The following JMY variants were observed in gnomAD, a reference collection of about 807,000 sequenced individuals.
JMY encodes junction mediating and regulatory protein, p53 cofactor, also known as junction-mediating and -regulatory protein.
JMY carries 46 observed loss-of-function variants against 103.3 expected under a neutral mutation model. The ratio of observed to expected loss-of-function variants is 0.45; its 90% CI spans 0.35 to 0.57. The LOEUF (loss-of-function observed/expected upper bound fraction) is 0.57, where lower values mean the gene tolerates loss of function less well. Among genes scored for constraint, JMY ranks in the 20% least tolerant of loss-of-function variants. JMY has a pLI of 0.00. For synonymous variants in JMY, 526 were observed against 489.3 expected (o/e 1.07, Z -0.99); for missense variants, 1,238 against 1,255.2 (o/e 0.99, Z 0.21).
At chr5:79,269,344 G>A (rs1283982047) in intron 1 of JMY, among the ~76,000 whole-genome samples, 1 of 152,134 alleles carries the variant, frequency 6.6e-6, no homozygotes, top group South Asian at 2.1e-4. Flanking sequence ...CTTGACTACT[G>A]TAGCTTTAGA....
At chr5:79,246,097 A>G (rs1463715826) in intron 1 of JMY, among the ~76,000 whole-genome samples, 1 of 152,144 alleles carries the variant, frequency 6.6e-6, no homozygotes, top group Non-Finnish European at 1.5e-5. Context: ...ACATCCTTAA[A>G]TCATTCATTA....
In JMY at chr5:79,314,766, C is replaced by T. The variant is rs1747163987; in HGVS notation, c.2574C>T (p.Pro858=). The T allele has an allele frequency of 1.9e-6, 3 of 1,613,338 alleles. No homozygotes were observed. The highest frequency in any genetic ancestry group is 3.3e-5 in the Admixed American group (2 of 59,910). Residue 858 remains proline (P), a synonymous_variant, in exon 9 of 11, where the codon CCC becomes CCT. Coordinates refer to ENST00000396137, the MANE Select transcript of JMY (RefSeq NM_152405.5). ...EKRIPKSASA[P]SAHLFDSSQL... is the part of the protein sequence containing the mutation. ...GGATCCCAAAGTCAGCCAGTGCCCCCTCAGCACACCTCTTTGACAGCAGCC... is the reference window on the plus strand; with the variant it reads ...GGATCCCAAAGTCAGCCAGTGCCCCTTCAGCACACCTCTTTGACAGCAGCC...
intron 2 of JMY, among the ~76,000 whole-genome samples, chr5:79,283,689 T>C (rs1206316145): frequency 6.6e-6 from 1 of 152,232 alleles, no homozygotes; most frequent in Non-Finnish European, 1.5e-5. Flanking sequence ...ATACAGATTC[T>C]TGGGCTTCAC....
intron 1 of JMY, among the ~76,000 whole-genome samples, chr5:79,261,665 C>A (rs575620671): frequency 6.6e-6 from 1 of 152,188 alleles, no homozygotes. Context: ...TGCCCTTTCC[C>A]CTTTAAATTT....
chr5:79,269,890 G>C (rs1745693106), intron 1 of JMY, among the ~76,000 whole-genome samples: 1 of 151,920 alleles, frequency 6.6e-6, no homozygotes, highest in South Asian at 2.1e-4. Context: ...ACCGTGTCCA[G>C]CTAATTAAAA....
At chr5:79,279,131 C>T (rs1580350869) in intron 2 of JMY, among the ~76,000 whole-genome samples, 2 of 151,912 alleles carry the variant, frequency 1.3e-5, no homozygotes, top group Admixed American at 6.6e-5. Context: ...GTCAGGAGTT[C>T]AAGACCAGCC....
At chr5:79,312,531 C>CTTTT in intron 8 of JMY, 33 bp downstream of exon 8, 2 of 857,146 alleles carry the variant, frequency 2.3e-6, no homozygotes, top group Non-Finnish European at 3.4e-6. Context: ...TATTGTTTTT[C>CTTTT]TTTTTTTTTT....
At chr5:79,272,814 A>G (rs1401316454) in intron 1 of JMY, among the ~76,000 whole-genome samples, 1 of 152,034 alleles carries the variant, frequency 6.6e-6, no homozygotes, top group Non-Finnish European at 1.5e-5. Flanking sequence ...TTGTATTTCT[A>G]GTAGTGAGAC....
chr5:79,290,170 A>C lies in JMY; in HGVS notation c.1256A>C (p.Gln419Pro). The C allele has an allele frequency of 6.3e-7, 1 of 1,597,712 alleles. No homozygotes were observed. The highest frequency in any genetic ancestry group is 8.5e-7 in the Non-Finnish European group (1 of 1,170,698). ...YLGPRRIESL[Q>P]KEDADWQRKA... The stretch of plus-strand genomic sequence containing the variant: ...GGACCTCGAAGAATTGAGAGTCTAC[A>C]AAAAGAAGATGCTGATTGGCAGCGG... The change falls in exon 3 of 11, where the codon CAA (glutamine) becomes CCA (proline). Residue 419 changes from glutamine to proline, a missense_variant. Physicochemically the swap from Gln to Pro is moderately conservative, Grantham distance 76. Transcript: ENST00000396137.
chr5:79,290,305 T>C, intron 3 of JMY, 34 bp downstream of exon 3: 1 of 1,234,912 alleles, frequency 8.1e-7, no homozygotes, highest in Non-Finnish European at 1.1e-6. Flanking sequence ...CTTTAGGTAT[T>C]TTTGAAAATG....
At chr5:79,247,972 A>G (rs1388552432) in intron 1 of JMY, among the ~76,000 whole-genome samples, 1 of 151,400 alleles carries the variant, frequency 6.6e-6, no homozygotes, top group Admixed American at 6.6e-5. Context: ...GGCTCACTGC[A>G]ACCTCCACCT....
At position 79,312,380 on chromosome 5, in the gene JMY, AATT is replaced by A. The variant is rs771055739; in HGVS notation, c.1969-15_1969-13del. ...TAAAAATTGGGACACAGCATAATGGAATTATTATTAATTTTTTACCAGAAGAGA... is the reference window on the plus strand; with the variant it reads ...TAAAAATTGGGACACAGCATAATGGAATTATTAATTTTTTACCAGAAGAGA... On this transcript the variant is annotated intron_variant, in intron 7 of 10. Transcript: ENST00000396137. 2.0e-5 allele frequency: 27 copies of A among 1,364,022 alleles called. No homozygotes were observed. The highest frequency in any genetic ancestry group is 4.4e-5 in the African/African-American group (3 of 68,156). 84.5% of individuals were successfully genotyped at this position (1,364,022 alleles called of 1,614,324 possible).
intron 10 of JMY, among the ~76,000 whole-genome samples, chr5:79,321,043 C>T (rs1379990110): frequency 1.3e-5 from 2 of 152,178 alleles, no homozygotes; most frequent in African/African-American, 2.4e-5. Context: ...ATCAAGTGCT[C>T]ATTAGCCACA....
chr5:79,267,109 A>G (rs868160300), intron 1 of JMY, among the ~76,000 whole-genome samples: 1 of 152,202 alleles, frequency 6.6e-6, no homozygotes, highest in East Asian at 1.9e-4. Flanking sequence ...AGTCTTCCCT[A>G]TTATTAACAT....
In JMY at chr5:79,322,026, T is replaced by C. The variant is rs1182621254; in HGVS notation, c.*424T>C. The C allele has an allele frequency of 2.6e-5, 4 of 152,182 alleles. No homozygotes were observed. Among genetic ancestry groups the C allele is most frequent in the Admixed American group, 6.5e-5 (1 of 15,284 alleles). 9.4% of individuals were successfully genotyped at this position (152,182 alleles called of 1,614,324 possible). On this transcript the variant is annotated 3_prime_UTR_variant, in exon 11 of 11. Coordinates refer to ENST00000396137, the MANE Select transcript of JMY (RefSeq NM_152405.5). ...TGCACTGAAAAGTCATCTGAAAAAATAGCTTCTTCCATATCAGCTTATATT... is the reference window on the plus strand; with the variant it reads ...TGCACTGAAAAGTCATCTGAAAAAACAGCTTCTTCCATATCAGCTTATATT...
chr5:79,300,002 T>TATA (rs1746684127), intron 4 of JMY, 151 bp from the exon 5 acceptor site: 4 of 403,762 alleles, frequency 9.9e-6, no homozygotes, highest in African/African-American at 6.5e-5. Flanking sequence ...ATATATATAT[T>TATA]TTTAAAGTCT....
chr5:79,298,520 C>A (rs532043368), intron 4 of JMY, among the ~76,000 whole-genome samples: 1 of 152,186 alleles, frequency 6.6e-6, no homozygotes, highest in Non-Finnish European at 1.5e-5. Flanking sequence ...ACAAAAACAA[C>A]AGTTCATATT....
chr5:79,243,955 C>T (rs1200050112), intron 1 of JMY, among the ~76,000 whole-genome samples: 1 of 151,854 alleles, frequency 6.6e-6, no homozygotes, highest in Non-Finnish European at 1.5e-5. Context: ...TGCCACTTAA[C>T]ATCACAAGAT....
rs373711492 is a variant in JMY at position 79,278,008 on chromosome 5, C to A, written c.1131C>A (p.Thr377=). Residue 377 remains threonine, a synonymous_variant, in exon 2 of 11, where the codon ACC becomes ACA. Coordinates refer to ENST00000396137, the MANE Select transcript of JMY (RefSeq NM_152405.5). Reference sequence around the variant, plus strand: ...ACAGCAGCCTTGCAGAAGCTACAACCGAACTCTATCAGTATTTACTACAGC... The same window carrying A: ...ACAGCAGCCTTGCAGAAGCTACAACAGAACTCTATCAGTATTTACTACAGC... ...EAYSSLAEAT[T]ELYQYLLQPF... is the part of the protein sequence containing the mutation. 2.2e-4 allele frequency: 361 copies of A among 1,613,810 alleles called. 2 individuals carry two copies. The South Asian group carries it at 3.6e-3, about 16-fold the overall frequency.
Sources: gnomAD v4.1 joint callset for allele counts (sites outside exome capture counted in the v4.1 genomes callset) on GRCh38, gnomAD v4.1.1 for gene constraint, MANE v1.5 for transcripts, NCBI Gene and HGNC (gene_info 2026-07-23, HGNC 2026-07-21) for gene names.